DPH6: variants seen among roughly 807,000 people sequenced by gnomAD.
DPH6 encodes diphthine--ammonia ligase.
Under a neutral mutation model 38.2 loss-of-function variants are expected in DPH6, and 33 were observed. The observed-to-expected ratio is 0.86, with a 90% CI of 0.65 to 1.15. The LOEUF (loss-of-function observed/expected upper bound fraction) is 1.15, where lower values mean the gene tolerates loss of function less well. Ranked by LOEUF, DPH6 falls within the 50% of genes most tolerant of loss-of-function variation. The pLI is 0.00. For synonymous variants in DPH6, 108 were observed against 103.0 expected (o/e 1.05, Z -0.30); for missense variants, 325 against 320.0 (o/e 1.02, Z -0.12).
At position 35,375,543 on chromosome 15, in the gene DPH6, C is replaced by T. The variant is rs149847526; in HGVS notation, c.663-1935G>A. ...CTGAAAGCAGAATCTGTCAGAATAT[C>T]CTCAGATTAATCCAGAAAACTAAGA... is the stretch of plus-strand genomic sequence containing the variant. On this transcript the variant is annotated intron_variant, in intron 7 of 8. Transcript: ENST00000256538. 2.4e-4 allele frequency among the ~76,000 whole-genome samples: 36 copies of T among 152,224 alleles called. No individual in the cohort carries two copies. The East Asian group carries it at 6.8e-3, about 29-fold the overall frequency.
At chr15:35,435,779 GGTGA>G (rs2053691058) in intron 5 of DPH6, among the ~76,000 whole-genome samples, 1 of 151,958 alleles carries the variant, frequency 6.6e-6, no homozygotes, top group South Asian at 2.1e-4. Context: ...TATGAGGAGG[GGTGA>G]GTAAAATGTG....
At chr15:35,269,240 T>C (rs1181308334) in intron 3 of DPH6, among the ~76,000 whole-genome samples, 1 of 152,186 alleles carries the variant, frequency 6.6e-6, no homozygotes, top group East Asian at 1.9e-4. Flanking sequence ...TATATTCCTT[T>C]TTTTCTTCTT....
At chr15:35,537,863 A>T (rs1446195246) in intron 3 of DPH6, among the ~76,000 whole-genome samples, 3 of 152,096 alleles carry the variant, frequency 2.0e-5, no homozygotes, top group Admixed American at 2.0e-4. Context: ...TTCCACTAGA[A>T]AGTGAGCTCC....
rs530052499 is a variant in DPH6, at chr15:35,483,784, T to C, written c.313-28964A>G. Among the ~76,000 whole-genome samples, 5 of 152,306 alleles carry C rather than the reference T, an allele frequency of 3.3e-5. No individual in the cohort carries two copies. The South Asian group carries it at 1.0e-3, about 32-fold the overall frequency. ...ACATACTAGCCAAAAATGGAAACAA[T>C]TCAATTTTCGATTAATTTGTGAATA... On this transcript the variant is annotated intron_variant, in intron 3 of 8. Transcript: ENST00000256538.
chr15:35,318,521 T>C (rs2052212510), intron 3 of DPH6, among the ~76,000 whole-genome samples: 1 of 152,190 alleles, frequency 6.6e-6, no homozygotes, highest in Non-Finnish European at 1.5e-5. Flanking sequence ...TCTTTACAAG[T>C]GCATATAAAT....
chr15:35,473,949 TGTGTGTGTGC>T (rs748571015), intron 3 of DPH6, among the ~76,000 whole-genome samples: 4,384 of 31,052 alleles, frequency 0.14, 80 homozygotes, highest in Non-Finnish European at 0.29. Flanking sequence ...TGTGTGTGTG[TGTGTGTGTGC>T]GCGCGCGCGC....
chr15:35,283,757 TACACACACAC>T (rs3028682), intron 3 of DPH6, among the ~76,000 whole-genome samples: 1 of 140,580 alleles, frequency 7.1e-6, no homozygotes, highest in South Asian at 2.3e-4. Context: ...GCACAGATAG[TACACACACAC>T]ACACACACAC....
intron 3 of DPH6, among the ~76,000 whole-genome samples, chr15:35,242,866 T>G (rs911117111): frequency 1.4e-5 from 2 of 142,218 alleles, no homozygotes; most frequent in East Asian, 2.2e-4. Context: ...CTAGTCATAC[T>G]CCTATTCACC....
At chr15:35,470,034 C>T (rs2063150902) in intron 3 of DPH6, among the ~76,000 whole-genome samples, 1 of 152,062 alleles carries the variant, frequency 6.6e-6, no homozygotes, top group Admixed American at 6.6e-5. Context: ...CCTGTCTCTA[C>T]TAAAAATACA....
At chr15:35,312,952 G>A (rs1345964605) in intron 3 of DPH6, among the ~76,000 whole-genome samples, 1 of 152,180 alleles carries the variant, frequency 6.6e-6, no homozygotes, top group Non-Finnish European at 1.5e-5. Flanking sequence ...GTCAGGCTGG[G>A]CGCAATGGCT....
intron 3 of DPH6, among the ~76,000 whole-genome samples, chr15:35,356,583 G>A (rs977313220): frequency 6.6e-6 from 1 of 152,218 alleles, no homozygotes; most frequent in African/African-American, 2.4e-5. Flanking sequence ...CAGCAGTGGA[G>A]CCTGCAGAGC....
At chr15:35,218,457 T>A (rs1308738971) in exon 4 of DPH6, 1 of 152,212 alleles carries the variant, frequency 6.6e-6, no homozygotes, top group Non-Finnish European at 1.5e-5. Context: ...TCAATATAAG[T>A]AAGCATGGCT....
In DPH6 at chr15:35,414,446, A is replaced by G. The variant is rs1263596742; in HGVS notation, c.506-3550T>C. 4.6e-5 allele frequency among the ~76,000 whole-genome samples: 7 copies of G among 151,782 alleles called. No individual in the cohort carries two copies. The East Asian group carries it at 1.2e-3, about 25-fold the overall frequency. On this transcript the variant is annotated intron_variant, in intron 5 of 8. Transcript: ENST00000256538. ...TTCAACATACTTAGTACATTTTGCA[A>G]TCTTAATTCAATATGTCTAGGCACA...
At chr15:35,478,530 T>C (rs891814576) in intron 3 of DPH6, among the ~76,000 whole-genome samples, 6 of 151,972 alleles carry the variant, frequency 3.9e-5, no homozygotes, top group African/African-American at 1.2e-4. Context: ...TCAACAATTA[T>C]ACAAAGTAAA....
chr15:35,435,041 T>C (rs1480272704), intron 5 of DPH6, among the ~76,000 whole-genome samples: 1 of 151,626 alleles, frequency 6.6e-6, no homozygotes, highest in Non-Finnish European at 1.5e-5. Context: ...CCCAAAGAAC[T>C]GGAATTACAG....
intron 3 of DPH6, among the ~76,000 whole-genome samples, chr15:35,224,927 A>G (rs1802717843): frequency 6.6e-6 from 1 of 152,256 alleles, no homozygotes; most frequent in African/African-American, 2.4e-5. Context: ...ATACTTGTCA[A>G]GACTAAGATA....
intron 3 of DPH6, among the ~76,000 whole-genome samples, chr15:35,354,223 C>A (rs1253234034): frequency 2.0e-5 from 3 of 152,186 alleles, no homozygotes; most frequent in Non-Finnish European, 2.9e-5. Context: ...TTGTCATCTG[C>A]AAACAGGGAC....
At chr15:35,480,007 A>T (rs888723275) in intron 3 of DPH6, among the ~76,000 whole-genome samples, 14 of 152,216 alleles carry the variant, frequency 9.2e-5, no homozygotes, top group African/African-American at 3.4e-4. Context: ...CTATATTTTC[A>T]AGTGTATCTT....
chr15:35,269,561 C>T (rs539943664), intron 3 of DPH6, among the ~76,000 whole-genome samples: 1 of 151,962 alleles, frequency 6.6e-6, no homozygotes, highest in South Asian at 2.1e-4. Flanking sequence ...CTCAGCCTCC[C>T]GAGTAGCTGG....
Sources: allele counts gnomAD v4.1 joint callset (sites outside exome capture counted in the v4.1 genomes callset), GRCh38; gene constraint gnomAD v4.1.1; transcripts MANE v1.5; gene names NCBI Gene and HGNC (gene_info 2026-07-23, HGNC 2026-07-21).